Variants in CDON observed in about 807,000 individuals in gnomAD.
CDON encodes cell adhesion associated, oncogene regulated, also known as cell adhesion molecule-related/down-regulated by oncogenes.
Under a neutral mutation model 120.9 loss-of-function variants are expected in CDON, and 73 were observed. The observed-to-expected ratio is 0.60, with a 90% CI of 0.50 to 0.73. The LOEUF (loss-of-function observed/expected upper bound fraction) is 0.73, where lower values mean the gene tolerates loss of function less well. Ranked by LOEUF, CDON falls within the 30% of genes least tolerant of loss-of-function variation. CDON has a pLI of 0.00. For missense variants in CDON, 1,470 were observed against 1,587.3 expected, an observed-to-expected ratio of 0.93 and a Z score of 1.26; for synonymous variants, 566 against 573.5, an observed-to-expected ratio of 0.99 and a Z score of 0.19.
rs1422349502 is a variant in CDON at position 125,998,336 on chromosome 11, G to A, written c.2159-926C>T. On this transcript the variant is annotated intron_variant, in intron 11 of 19. Transcript: ENST00000531738. ...GAGAGGTGTCTGTGTCATGGGGGTG[G>A]TTCCCTCATGATGGCCTGGTGCCCT... 2.0e-5 allele frequency among the ~76,000 whole-genome samples: 3 copies of A among 152,158 alleles called. 1 individual carries two copies. The highest frequency in any genetic ancestry group is 4.4e-5 in the Non-Finnish European group (3 of 68,030).
chr11:126,025,817 C>CA (rs903106355), intron 1 of CDON, among the ~76,000 whole-genome samples: 3 of 151,938 alleles, frequency 2.0e-5, no homozygotes, highest in Admixed American at 2.0e-4. Flanking sequence ...AAGTAACAGA[C>CA]AAAAAATGTA....
In CDON at chr11:126,021,328, G is replaced by C; in HGVS notation, c.269C>G (p.Ser90Cys). Residue 90 changes from serine (S) to cysteine (C), a missense_variant, in exon 3 of 20, where the codon TCT (serine) becomes TGT (cysteine). Transcript: ENST00000531738. ...AAGGCACTGGTAGTAACCCAAAAGAGAGGAGTTGAGAGAAAGAATTGTCAG... is the reference window on the plus strand; with the variant it reads ...AAGGCACTGGTAGTAACCCAAAAGACAGGAGTTGAGAGAAAGAATTGTCAG... ...GTLTILSLNS[S>C]LLGYYQCLAN... 6.2e-7 allele frequency: 1 copy of C among 1,614,104 alleles called. No individual in the cohort carries two copies. The highest frequency in any genetic ancestry group is 8.5e-7 in the Non-Finnish European group (1 of 1,179,974).
intron 1 of CDON, among the ~76,000 whole-genome samples, chr11:126,035,841 T>C (rs1948079200): frequency 6.6e-6 from 1 of 151,904 alleles, no homozygotes; most frequent in African/African-American, 2.4e-5. Context: ...TAACACAACA[T>C]AGCATGAAGT....
chr11:126,048,961 CCAA>C, intron 1 of CDON, among the ~76,000 whole-genome samples: 1 of 152,252 alleles, frequency 6.6e-6, no homozygotes, highest in African/African-American at 2.4e-5. Flanking sequence ...CCTCGGCCTT[CCAA>C]AATGCTGGGA....
chr11:126,056,787 G>GAT (rs1182680142), intron 1 of CDON, among the ~76,000 whole-genome samples: 1 of 152,198 alleles, frequency 6.6e-6, no homozygotes, highest in African/African-American at 2.4e-5. Flanking sequence ...TCTTCTTCCT[G>GAT]ATATAAGTGC....
chr11:126,019,149 G>T (rs1947556867), intron 4 of CDON, among the ~76,000 whole-genome samples: 1 of 152,022 alleles, frequency 6.6e-6, no homozygotes, highest in Non-Finnish European at 1.5e-5. Context: ...GCTACTTTCT[G>T]CCAACAATGG....
intron 1 of CDON, among the ~76,000 whole-genome samples, chr11:126,024,444 G>A (rs116767152): frequency 0.013 from 2,008 of 152,296 alleles, 43 homozygotes; most frequent in African/African-American, 0.045. Context: ...TATAACGGTC[G>A]ACCCAACAGG....
chr11:126,039,559 A>C (rs900571266), intron 1 of CDON, among the ~76,000 whole-genome samples: 30 of 152,302 alleles, frequency 2.0e-4, no homozygotes, highest in African/African-American at 7.0e-4. Flanking sequence ...AAAAACAACT[A>C]ATCTAGAGAC....
At chr11:126,025,802 A>T (rs968329290) in intron 1 of CDON, among the ~76,000 whole-genome samples, 5 of 152,196 alleles carry the variant, frequency 3.3e-5, no homozygotes, top group African/African-American at 1.2e-4. Context: ...TGTATATATA[A>T]AAATAAGTAA....
At chr11:125,986,176 G>A (rs111976555) in intron 15 of CDON, among the ~76,000 whole-genome samples, 4,756 of 152,258 alleles carry the variant, frequency 0.031, 272 homozygotes, top group African/African-American at 0.11. Context: ...CGACATGGAT[G>A]AAGCTGGAAA....
rs1471948936 is a variant in CDON at position 125,980,916 on chromosome 11, GT to G, written c.3276+132del. 3.6e-6 allele frequency: 3 copies of G among 838,850 alleles called. No homozygotes were observed. In the African/African-American group the frequency reaches 5.1e-5, roughly 14 times the overall value. 52.0% of individuals were successfully genotyped at this position (838,850 alleles called of 1,614,324 possible). On this transcript the variant is annotated intron_variant, in intron 17 of 19. Coordinates refer to ENST00000531738, the MANE Select transcript of CDON (RefSeq NM_001378964.1). Reference sequence around the variant, plus strand: ...ACTACTCTGGATCAAAGGGCTGCCAGTGATCCATGCTGTTTCCATTCGAGGA... The same window carrying G: ...ACTACTCTGGATCAAAGGGCTGCCAGGATCCATGCTGTTTCCATTCGAGGA...
chr11:126,010,430 T>C lies in CDON; in HGVS notation c.1463A>G (p.Gln488Arg), dbSNP rs377400617. The C allele has an allele frequency of 2.5e-6, 4 of 1,614,000 alleles. No individual in the cohort carries two copies. The African/African-American group carries it at 4.0e-5, about 16-fold the overall frequency. ...SQAGASSLHI[Q>R]AVTQEHAGKY... is the part of the protein sequence containing the mutation. ...CCCCGCATGTTCCTGAGTCACAGCCTGAATATGGAGAGAGCTTGCACCAGC... is the reference window on the plus strand; with the variant it reads ...CCCCGCATGTTCCTGAGTCACAGCCCGAATATGGAGAGAGCTTGCACCAGC... Residue 488 changes from glutamine to arginine, a missense_variant, in exon 8 of 20, where the codon CAG becomes CGG. Transcript: ENST00000531738.
At chr11:125,973,626 T>A (rs1324686393) in intron 18 of CDON, among the ~76,000 whole-genome samples, 2 of 152,222 alleles carry the variant, frequency 1.3e-5, no homozygotes, top group Non-Finnish European at 2.9e-5. Context: ...GCCTTTTAAT[T>A]CTGACTCCTC....
At chr11:126,036,588 G>A (rs992623627) in intron 1 of CDON, among the ~76,000 whole-genome samples, 2 of 152,188 alleles carry the variant, frequency 1.3e-5, no homozygotes, top group Admixed American at 6.5e-5. Context: ...ATATACCCTT[G>A]TAGGCCTCAC....
At chr11:126,018,595 G>GACAGAATGAGACCCCCA in intron 4 of CDON, 122 bp from the exon 5 acceptor site, 1 of 830,230 alleles carries the variant, frequency 1.2e-6, no homozygotes, top group Non-Finnish European at 2.0e-6. Flanking sequence ...AGAGATGGGG[G>GACAGAATGAGACCCCCA]TCTCATTCTG....
At chr11:125,974,220 T>C (rs535887592) in intron 18 of CDON, among the ~76,000 whole-genome samples, 159 of 151,988 alleles carry the variant, frequency 1.0e-3, no homozygotes, top group African/African-American at 3.8e-3. Flanking sequence ...TCTTAAAAGA[T>C]ATGTCTCCCC....
At chr11:126,015,048 T>G in intron 7 of CDON, 193 bp downstream of exon 7, 3 of 626,192 alleles carry the variant, frequency 4.8e-6, no homozygotes, top group Non-Finnish European at 5.6e-6. Context: ...CTTTTTTTAA[T>G]GAGCTTGATT....
chr11:126,045,854 C>T (rs1026579515), intron 1 of CDON, among the ~76,000 whole-genome samples: 13 of 152,142 alleles, frequency 8.5e-5, no homozygotes, highest in Admixed American at 3.9e-4. Context: ...CCTGTAATCC[C>T]AGCTACTTTG....
intron 10 of CDON, among the ~76,000 whole-genome samples, chr11:126,002,129 C>T (rs1454977105): frequency 6.6e-6 from 1 of 152,146 alleles, no homozygotes; most frequent in East Asian, 1.9e-4. Context: ...AGCCAAATGA[C>T]TAAGTGTTCA....
Sources: allele counts gnomAD v4.1 joint callset (sites outside exome capture counted in the v4.1 genomes callset), GRCh38; gene constraint gnomAD v4.1.1; transcripts MANE v1.5; gene names NCBI Gene and HGNC (gene_info 2026-07-23, HGNC 2026-07-21).